GPC6: variants seen among roughly 807,000 people sequenced by gnomAD.
GPC6 encodes the protein glypican 6, also known as glypican-6.
GPC6 carries 14 observed loss-of-function variants against 55.2 expected under a neutral mutation model. The ratio of observed to expected loss-of-function variants is 0.25; its 90% CI spans 0.17 to 0.40. The LOEUF (loss-of-function observed/expected upper bound fraction) is 0.40. Among genes scored for constraint, GPC6 ranks in the 10% least tolerant of loss-of-function variants. The pLI, the probability that GPC6 is intolerant of heterozygous loss-of-function variation, is 1.00. For synonymous variants in GPC6, 278 were observed against 259.6 expected (o/e 1.07, Z -0.68); for missense variants, 641 against 708.5 (o/e 0.90, Z 1.08).
At chr13:93,649,193 G>A (rs1475753681) in intron 2 of GPC6, among the ~76,000 whole-genome samples, 1 of 152,142 alleles carries the variant, frequency 6.6e-6, no homozygotes, top group Non-Finnish European at 1.5e-5. Context: ...GCTTACACCT[G>A]TAATCCCAGC....
chr13:93,850,257 C>T (rs893274003), intron 3 of GPC6, among the ~76,000 whole-genome samples: 6 of 151,930 alleles, frequency 3.9e-5, no homozygotes, highest in South Asian at 2.1e-4. Context: ...TTGGCAGGTG[C>T]AGTGGGTGCG....
At chr13:94,050,988 T>C (rs1426772023) in intron 4 of GPC6, among the ~76,000 whole-genome samples, 1 of 152,084 alleles carries the variant, frequency 6.6e-6, no homozygotes, top group Non-Finnish European at 1.5e-5. Flanking sequence ...ATAATCCACT[T>C]TGGGAATGTG....
intron 1 of GPC6, among the ~76,000 whole-genome samples, chr13:93,481,160 G>A (rs928859875): frequency 6.6e-6 from 1 of 152,080 alleles, no homozygotes; most frequent in Non-Finnish European, 1.5e-5. Flanking sequence ...TCTCATTGTG[G>A]TTTTGGTTTG....
intron 8 of GPC6, among the ~76,000 whole-genome samples, chr13:94,399,014 G>T (rs980802902): frequency 6.6e-6 from 1 of 152,202 alleles, no homozygotes; most frequent in African/African-American, 2.4e-5. Flanking sequence ...ACCAAAAGAA[G>T]AAAGCTCAGC....
At chr13:93,568,302 C>A (rs972934029) in intron 2 of GPC6, among the ~76,000 whole-genome samples, 1 of 152,124 alleles carries the variant, frequency 6.6e-6, no homozygotes, top group Non-Finnish European at 1.5e-5. Flanking sequence ...GGAAAGATAA[C>A]GAGTATATCT....
chr13:93,650,652 T>G (rs1405446874), intron 2 of GPC6, among the ~76,000 whole-genome samples: 5 of 152,138 alleles, frequency 3.3e-5, no homozygotes, highest in African/African-American at 1.2e-4. Flanking sequence ...CAAGGCCATT[T>G]TCCATGACTG....
intron 1 of GPC6, among the ~76,000 whole-genome samples, chr13:93,277,731 G>C (rs951360231): frequency 6.6e-6 from 1 of 152,076 alleles, no homozygotes; most frequent in Non-Finnish European, 1.5e-5. Context: ...ACTTTATTGT[G>C]GTAAATATCT....
intron 3 of GPC6, among the ~76,000 whole-genome samples, chr13:93,891,375 C>T (rs906257326): frequency 6.6e-6 from 1 of 152,104 alleles, no homozygotes; most frequent in African/African-American, 2.4e-5. Context: ...CTATTAACAT[C>T]TGAACCTCAG....
At chr13:93,715,896 T>C (rs923989389) in intron 2 of GPC6, among the ~76,000 whole-genome samples, 6 of 151,618 alleles carry the variant, frequency 4.0e-5, no homozygotes, top group African/African-American at 9.7e-5. Context: ...TGTATGCACA[T>C]TAAAGTTTGA....
intron 1 of GPC6, among the ~76,000 whole-genome samples, chr13:93,374,410 A>G (rs1387489875): frequency 6.6e-6 from 1 of 152,166 alleles, no homozygotes; most frequent in African/African-American, 2.4e-5. Flanking sequence ...GGTGATGCAC[A>G]GTTCTACCTC....
intron 1 of GPC6, among the ~76,000 whole-genome samples, chr13:93,354,245 G>A (rs538351030): frequency 1.3e-5 from 2 of 152,174 alleles, no homozygotes; most frequent in South Asian, 2.1e-4. Flanking sequence ...CTGATCGGTG[G>A]CTGAGTTGTT....
intron 3 of GPC6, among the ~76,000 whole-genome samples, chr13:93,967,897 T>C (rs1197136090): frequency 6.6e-6 from 1 of 152,172 alleles, no homozygotes; most frequent in Non-Finnish European, 1.5e-5. Flanking sequence ...TAAAAACTGT[T>C]GGCAAATTGG....
At chr13:93,610,338 AC>A (rs1471507641) in intron 2 of GPC6, among the ~76,000 whole-genome samples, 1 of 152,230 alleles carries the variant, frequency 6.6e-6, no homozygotes, top group African/African-American at 2.4e-5. Context: ...CCACCAACTT[AC>A]AGAAAAAGAT....
At chr13:94,225,460 T>C (rs889905242) in intron 4 of GPC6, among the ~76,000 whole-genome samples, 1 of 152,096 alleles carries the variant, frequency 6.6e-6, no homozygotes, top group Non-Finnish European at 1.5e-5. Flanking sequence ...CTTATCCTTC[T>C]TAGTGCCTCA....
In GPC6 at chr13:93,530,773, A is replaced by G. The variant is rs1282944119; in HGVS notation, c.161-14490A>G. ...TATTTTATTAATAGTTATACTCTTG[A>G]TATCTGTCATACCTGCCTGGAGGAA... On this transcript the variant is annotated intron_variant, in intron 1 of 8. Coordinates refer to ENST00000377047, the MANE Select transcript of GPC6 (RefSeq NM_005708.5). 3.3e-5 allele frequency among the ~76,000 whole-genome samples: 5 copies of G among 152,304 alleles called. No individual in the cohort carries two copies. The East Asian group carries it at 9.6e-4, about 29-fold the overall frequency.
intron 1 of GPC6, among the ~76,000 whole-genome samples, chr13:93,526,057 T>C (rs1182748132): frequency 6.6e-6 from 1 of 152,100 alleles, no homozygotes; most frequent in Non-Finnish European, 1.5e-5. Context: ...ATGAATTATA[T>C]CTTTCTGTAA....
chr13:94,354,610 G>T (rs1359606578), intron 6 of GPC6, among the ~76,000 whole-genome samples: 1 of 152,224 alleles, frequency 6.6e-6, no homozygotes, highest in African/African-American at 2.4e-5. Flanking sequence ...CTCATCATGA[G>T]CATGCCCTCA....
intron 1 of GPC6, among the ~76,000 whole-genome samples, chr13:93,241,044 T>A (rs1250821000): frequency 6.6e-6 from 1 of 152,184 alleles, no homozygotes; most frequent in East Asian, 1.9e-4. Context: ...TAAGTTTTGA[T>A]GCCTTTGTCT....
intron 2 of GPC6, among the ~76,000 whole-genome samples, chr13:93,560,170 G>A (rs1366835044): frequency 2.0e-5 from 3 of 151,760 alleles, no homozygotes; most frequent in Admixed American, 1.3e-4. Flanking sequence ...ATATTTTAAG[G>A]GCCATTCATT....
Sources: gnomAD v4.1 joint callset for allele counts (sites outside exome capture counted in the v4.1 genomes callset) on GRCh38, gnomAD v4.1.1 for gene constraint, MANE v1.5 for transcripts, NCBI Gene and HGNC (gene_info 2026-07-23, HGNC 2026-07-21) for gene names.